EXT1: variants seen among roughly 807,000 people sequenced by gnomAD.
EXT1 encodes exostosin-1.
A neutral mutation model predicts 82.5 loss-of-function variants in EXT1; 20 were observed. That is an observed-to-expected ratio of 0.24 (90% CI 0.17 to 0.35). The LOEUF is 0.35. EXT1 is among the 10% of genes least tolerant of loss of function. The probability of loss-of-function intolerance (pLI) is 1.00; values close to 1 mark genes in which losing one functional copy is unlikely to be tolerated. For synonymous variants in EXT1, 348 were observed against 350.8 expected, an observed-to-expected ratio of 0.99 and a Z score of 0.09; for missense variants, 757 against 936.5, an observed-to-expected ratio of 0.81 and a Z score of 2.50.
rs779166849 is a variant in EXT1 at position 118,110,071 on chromosome 8, G to A, written c.962+14C>T. On this transcript the variant is annotated intron_variant, in intron 1 of 10. Transcript: ENST00000378204. The stretch of plus-strand genomic sequence containing the variant: ...AAGGCTGACTCCCAAAGACACGCCA[G>A]CCCAGACACTTACTTCTCATACTCG... The A allele has an allele frequency of 7.4e-6, 12 of 1,613,250 alleles. No individual in the cohort carries two copies. The African/African-American group carries it at 1.6e-4, about 22-fold the overall frequency.
intron 1 of EXT1, among the ~76,000 whole-genome samples, chr8:117,916,810 G>C (rs1813762497): frequency 6.6e-6 from 1 of 152,034 alleles, no homozygotes; most frequent in African/African-American, 2.4e-5. Flanking sequence ...GGGAGACTGA[G>C]GCACGAGAAT....
chr8:117,799,825 T>A lies in EXT1; in HGVS notation c.2128A>T (p.Ser710Cys), dbSNP rs1451386410. ...QRQSCMNTFA[S>C]WFGYMPLIHS... Reference sequence around the variant, plus strand: ...ATCAGCGGCATGTAGCCAAACCAGCTGGCAAACGTATTCATGCAGCTCTGT... The same window carrying A: ...ATCAGCGGCATGTAGCCAAACCAGCAGGCAAACGTATTCATGCAGCTCTGT... The change falls in exon 11 of 11, where the codon AGC (serine) becomes TGC (cysteine). Residue 710 changes from serine to cysteine, a missense_variant. Ser to Cys is a moderately radical substitution (Grantham distance 112). Coordinates refer to ENST00000378204, the MANE Select transcript of EXT1 (RefSeq NM_000127.3). The A allele has an allele frequency of 6.2e-7, 1 of 1,614,188 alleles. No individual in the cohort carries two copies. Among genetic ancestry groups the A allele is most frequent in the Non-Finnish European group, 8.5e-7 (1 of 1,180,046 alleles).
chr8:118,017,080 G>A (rs779291255), intron 1 of EXT1, among the ~76,000 whole-genome samples: 5 of 152,254 alleles, frequency 3.3e-5, no homozygotes, highest in Non-Finnish European at 5.9e-5. Context: ...TCTCCCAGAC[G>A]GACCGGTATA....
chr8:117,869,494 T>C (rs770487513), intron 1 of EXT1, among the ~76,000 whole-genome samples: 3 of 152,198 alleles, frequency 2.0e-5, no homozygotes, highest in Non-Finnish European at 4.4e-5. Context: ...CCAAAGTATC[T>C]ACCTCCTTGT....
intron 1 of EXT1, among the ~76,000 whole-genome samples, chr8:118,081,282 T>C (rs1817323368): frequency 6.6e-6 from 1 of 152,228 alleles, no homozygotes; most frequent in African/African-American, 2.4e-5. Context: ...TACACTGTTT[T>C]CCAGAAAAAG....
intron 1 of EXT1, among the ~76,000 whole-genome samples, chr8:117,890,852 C>A (rs1459208317): frequency 6.6e-6 from 1 of 152,160 alleles, no homozygotes. Flanking sequence ...CGTTTCAGTG[C>A]AGCCGCTACT....
At chr8:118,022,796 ATTAC>A (rs2129860971) in intron 1 of EXT1, among the ~76,000 whole-genome samples, 1 of 152,340 alleles carries the variant, frequency 6.6e-6, no homozygotes, top group East Asian at 1.9e-4. Flanking sequence ...GAAACAACCA[ATTAC>A]TTCTCATGAC....
intron 1 of EXT1, among the ~76,000 whole-genome samples, chr8:117,979,974 C>A (rs1815151946): frequency 1.3e-5 from 2 of 152,182 alleles, no homozygotes; most frequent in South Asian, 4.1e-4. Flanking sequence ...GGACAGGAGT[C>A]ATTAATGTGA....
intron 1 of EXT1, among the ~76,000 whole-genome samples, chr8:118,076,325 T>C (rs1242535852): frequency 6.6e-6 from 1 of 152,256 alleles, no homozygotes; most frequent in Non-Finnish European, 1.5e-5. Context: ...ACATCCACTG[T>C]AATCATTTTG....
At position 117,795,279 on chromosome 8, in the gene EXT1, A is replaced by T. The variant is rs1823073669; in HGVS notation, c.*4433T>A. The T allele has an allele frequency of 6.6e-6, 1 of 152,170 alleles. No individual in the cohort carries two copies. 9.4% of individuals were successfully genotyped at this position (152,170 alleles called of 1,614,324 possible). ...TGTATTGGAACTCTAGACCAGTGAC[A>T]ACTACAATCCCTACTAGGTAAAACT... On this transcript the variant is annotated 3_prime_UTR_variant, in exon 11 of 11. Coordinates refer to ENST00000378204, the MANE Select transcript of EXT1 (RefSeq NM_000127.3).
chr8:117,900,158 A>G, intron 1 of EXT1, among the ~76,000 whole-genome samples: 1 of 152,162 alleles, frequency 6.6e-6, no homozygotes, highest in Admixed American at 6.5e-5. Context: ...GGGAGCCCAG[A>G]GCAGAAAAGT....
chr8:117,862,203 A>G (rs1054630259), intron 1 of EXT1, among the ~76,000 whole-genome samples: 2 of 145,526 alleles, frequency 1.4e-5, no homozygotes, highest in African/African-American at 4.9e-5. Context: ...GGGCATTACA[A>G]TCATTAAGAA....
intron 10 of EXT1, among the ~76,000 whole-genome samples, chr8:117,803,242 T>A (rs796305707): frequency 1.3e-5 from 2 of 152,252 alleles, no homozygotes; most frequent in African/African-American, 4.8e-5. Context: ...TCACCCAGCC[T>A]GAAGTGCAGT....
intron 1 of EXT1, among the ~76,000 whole-genome samples, chr8:117,941,697 T>C (rs1481290587): frequency 6.6e-6 from 1 of 152,244 alleles, no homozygotes; most frequent in Non-Finnish European, 1.5e-5. Context: ...GTTAAATCTT[T>C]GGTTATTCCA....
intron 1 of EXT1, among the ~76,000 whole-genome samples, chr8:117,920,235 G>A (rs1010117158): frequency 1.3e-5 from 2 of 151,768 alleles, no homozygotes; most frequent in African/African-American, 4.8e-5. Flanking sequence ...CTCCCGAGTA[G>A]CTGGGATTAC....
intron 4 of EXT1, among the ~76,000 whole-genome samples, chr8:117,824,835 A>C (rs7009420): frequency 0.32 from 48,211 of 151,894 alleles, 7,836 homozygotes; most frequent in Middle Eastern, 0.43. Flanking sequence ...AGGATTGATT[A>C]TTCTTCTTCT....
chr8:118,100,288 C>T (rs776138578), intron 1 of EXT1, among the ~76,000 whole-genome samples: 3 of 152,126 alleles, frequency 2.0e-5, no homozygotes, highest in Non-Finnish European at 2.9e-5. Context: ...TCAGTTTCTG[C>T]CCCATGTCCC....
chr8:118,012,840 C>G (rs1279534491), intron 1 of EXT1, among the ~76,000 whole-genome samples: 1 of 152,176 alleles, frequency 6.6e-6, no homozygotes, highest in East Asian at 1.9e-4. Flanking sequence ...TCTAACTCAC[C>G]CTTATTGCTC....
intron 1 of EXT1, among the ~76,000 whole-genome samples, chr8:117,923,723 C>T (rs1292865905): frequency 1.4e-5 from 2 of 147,584 alleles, no homozygotes; most frequent in Admixed American, 6.7e-5. Context: ...GAGACTCTGT[C>T]TCAAAAAAAA....
Sources: allele counts gnomAD v4.1 joint callset (sites outside exome capture counted in the v4.1 genomes callset), GRCh38; gene constraint gnomAD v4.1.1; transcripts MANE v1.5; gene names NCBI Gene and HGNC (gene_info 2026-07-23, HGNC 2026-07-21).